Variants in PACRG observed in about 807,000 individuals in gnomAD.
The protein encoded by PACRG is parkin coregulated.
PACRG carries 29 observed loss-of-function variants against 29.7 expected under a neutral mutation model. That is an observed-to-expected ratio of 0.98 (90% CI 0.73 to 1.33). The LOEUF (loss-of-function observed/expected upper bound fraction) is 1.33. Among genes scored for constraint, PACRG ranks in the 40% most tolerant of loss-of-function variants. The probability of loss-of-function intolerance (pLI) is 0.00; values close to 1 mark genes in which losing one functional copy is unlikely to be tolerated. For synonymous variants in PACRG, 116 were observed against 118.7 expected (o/e 0.98, Z 0.15); for missense variants, 279 against 316.2 (o/e 0.88, Z 0.89).
intron 4 of PACRG, among the ~76,000 whole-genome samples, chr6:163,203,401 G>A (rs1780784205): frequency 6.6e-6 from 1 of 152,134 alleles, no homozygotes; most frequent in Non-Finnish European, 1.5e-5. Flanking sequence ...GACAGAGCGA[G>A]ATTCCGTCTC....
intron 4 of PACRG, among the ~76,000 whole-genome samples, chr6:163,243,754 A>G (rs1295129684): frequency 1.3e-5 from 2 of 152,174 alleles, no homozygotes; most frequent in African/African-American, 4.8e-5. Context: ...ATGGAAATTT[A>G]TTATCTAATT....
intron 2 of PACRG, among the ~76,000 whole-genome samples, chr6:163,018,833 C>T (rs924515590): frequency 3.9e-5 from 6 of 152,094 alleles, no homozygotes; most frequent in African/African-American, 1.4e-4. Flanking sequence ...GGGCTATATG[C>T]ATGTTGAGTC....
intron 2 of PACRG, among the ~76,000 whole-genome samples, chr6:162,966,577 T>C (rs909459739): frequency 2.0e-5 from 3 of 151,376 alleles, no homozygotes; most frequent in Non-Finnish European, 2.9e-5. Flanking sequence ...CCCGGGTTCA[T>C]GCCATTCTCC....
intron 2 of PACRG, among the ~76,000 whole-genome samples, chr6:162,966,936 A>G (rs1213744266): frequency 6.6e-6 from 1 of 152,182 alleles, no homozygotes; most frequent in Non-Finnish European, 1.5e-5. Flanking sequence ...GTGTAATTAC[A>G]TCAAAATTAT....
intron 3 of PACRG, among the ~76,000 whole-genome samples, chr6:163,075,930 C>T (rs764100270): frequency 3.3e-5 from 5 of 152,192 alleles, no homozygotes; most frequent in African/African-American, 4.8e-5. Flanking sequence ...AGGGACCCAG[C>T]CTGATAGTTG....
At chr6:162,775,235 C>A (rs1158065036) in intron 1 of PACRG, among the ~76,000 whole-genome samples, 1 of 152,152 alleles carries the variant, frequency 6.6e-6, no homozygotes, top group African/African-American at 2.4e-5. Context: ...TCTTGGACTT[C>A]TTAGCTTCTG....
intron 3 of PACRG, among the ~76,000 whole-genome samples, chr6:163,066,159 A>G (rs538512255): frequency 6.6e-6 from 1 of 152,248 alleles, no homozygotes; most frequent in African/African-American, 2.4e-5. Context: ...AAATTATAAC[A>G]TAAAGAAAAA....
chr6:163,110,078 G>T (rs1815624452), intron 4 of PACRG, among the ~76,000 whole-genome samples: 1 of 152,152 alleles, frequency 6.6e-6, no homozygotes, highest in Non-Finnish European at 1.5e-5. Flanking sequence ...TACATTTATG[G>T]ATAGAAATCC....
intron 2 of PACRG, among the ~76,000 whole-genome samples, chr6:163,031,013 C>A (rs1355451056): frequency 6.6e-6 from 1 of 152,096 alleles, no homozygotes; most frequent in Non-Finnish European, 1.5e-5. Flanking sequence ...GCTGAATAGG[C>A]GCAATGATAT....
intron 4 of PACRG, chr6:163,191,468 C>A (rs1255580102): frequency 5.6e-6 from 2 of 359,432 alleles, no homozygotes; most frequent in Admixed American, 7.4e-5. Flanking sequence ...TCTGCACCAC[C>A]CTTGGGGGAG....
At chr6:162,774,060 G>A (rs117024603) in intron 1 of PACRG, among the ~76,000 whole-genome samples, 333 of 152,262 alleles carry the variant, frequency 2.2e-3, no homozygotes, top group Non-Finnish European at 3.8e-3. Context: ...CAAACCATTT[G>A]GGTTTTGTCA....
chr6:162,858,770 G>A (rs1429639189), intron 2 of PACRG, among the ~76,000 whole-genome samples: 1 of 152,122 alleles, frequency 6.6e-6, no homozygotes, highest in African/African-American at 2.4e-5. Flanking sequence ...CCGTGTTCCT[G>A]AGTGACATTC....
At chr6:163,266,742 T>C (rs1368999368) in intron 4 of PACRG, among the ~76,000 whole-genome samples, 2 of 152,172 alleles carry the variant, frequency 1.3e-5, no homozygotes, top group Non-Finnish European at 2.9e-5. Flanking sequence ...ATGAGGAAAC[T>C]GGAAGCTCAG....
intron 1 of PACRG, among the ~76,000 whole-genome samples, chr6:162,750,548 A>G (rs1286665583): frequency 1.3e-5 from 2 of 152,190 alleles, no homozygotes. Flanking sequence ...TATATTTTCC[A>G]TCTTCAACTA....
intron 4 of PACRG, among the ~76,000 whole-genome samples, chr6:163,276,588 G>A (rs1489374014): frequency 1.3e-5 from 2 of 152,186 alleles, no homozygotes; most frequent in Admixed American, 1.3e-4. Flanking sequence ...TGGTCGGAAT[G>A]TTTGTGTGAC....
In PACRG at chr6:163,268,405, A is replaced by AAAAAAG. The variant is rs1554237566; in HGVS notation, c.614-46417_614-46416insGAAAAA. On this transcript the variant is annotated intron_variant, in intron 4 of 4. Transcript: ENST00000366888. Reference sequence around the variant, plus strand: ...TGACTAAGTGAGACTGTCTCAAAGAAAAAAAAAAAGAAAGTATTGAAATAT... The same window carrying AAAAAAG: ...TGACTAAGTGAGACTGTCTCAAAGAAAAAAAGAAAAAAAAAGAAAGTATTGAAATAT... Among the ~76,000 whole-genome samples the AAAAAAG allele has an allele frequency of 4.9e-5, 7 of 143,788 alleles. No homozygotes were observed. In the Admixed American group the frequency reaches 5.1e-4, roughly 10 times the overall value. The allele number at this position is 143,788 out of a possible 152,430, so 94.3% of individuals were successfully genotyped here. A position where few individuals can be genotyped will look rare whatever the true frequency, so the allele number is the denominator to read the frequency against.
At chr6:162,832,541 G>A (rs1788871984) in intron 2 of PACRG, among the ~76,000 whole-genome samples, 1 of 152,030 alleles carries the variant, frequency 6.6e-6, no homozygotes, top group African/African-American at 2.4e-5. Flanking sequence ...TTTAGCTTTT[G>A]TTAGTGGCAT....
intron 2 of PACRG, among the ~76,000 whole-genome samples, chr6:162,851,920 G>C (rs1248341412): frequency 7.5e-6 from 1 of 132,662 alleles, no homozygotes; most frequent in Non-Finnish European, 1.6e-5. Context: ...AGAAAGAAAA[G>C]AGAAAAGAAA....
At chr6:162,985,731 A>G (rs1282380928) in intron 2 of PACRG, among the ~76,000 whole-genome samples, 6 of 152,076 alleles carry the variant, frequency 3.9e-5, no homozygotes, top group African/African-American at 1.4e-4. Flanking sequence ...AAAAGAAATC[A>G]AGGGCATTCA....
Sources: allele counts gnomAD v4.1 joint callset (sites outside exome capture counted in the v4.1 genomes callset), GRCh38; gene constraint gnomAD v4.1.1; transcripts MANE v1.5; gene names NCBI Gene and HGNC (gene_info 2026-07-23, HGNC 2026-07-21).